POLR3E: variants seen among roughly 807,000 people sequenced by gnomAD.
POLR3E encodes DNA-directed RNA polymerase III subunit RPC5.
A neutral mutation model predicts 96.6 loss-of-function variants in POLR3E; 41 were observed. That is an observed-to-expected ratio of 0.42 (90% CI 0.33 to 0.55). The LOEUF (loss-of-function observed/expected upper bound fraction) is 0.55. POLR3E is among the 20% of genes least tolerant of loss of function. POLR3E has a pLI of 0.06. For missense variants in POLR3E, 849 were observed against 952.1 expected (o/e 0.89, Z 1.43); for synonymous variants, 396 against 383.6 (o/e 1.03, Z -0.38).
intron 1 of POLR3E, among the ~76,000 whole-genome samples, chr16:22,298,366 C>T (rs912354639): frequency 7.9e-5 from 12 of 152,182 alleles, no homozygotes; most frequent in African/African-American, 2.9e-4. Context: ...TACCCGCTTA[C>T]GTTGGCAGAA....
chr16:22,299,993 G>T (rs2047989811), intron 1 of POLR3E, among the ~76,000 whole-genome samples: 1 of 152,162 alleles, frequency 6.6e-6, no homozygotes, highest in African/African-American at 2.4e-5. Flanking sequence ...GGGATTACCG[G>T]CATGAGCCAC....
intron 10 of POLR3E, 122 bp from the exon 11 acceptor site, chr16:22,316,873 C>T (rs2290831): frequency 0.016 from 15,382 of 934,392 alleles, 737 homozygotes; most frequent in East Asian, 0.16. Flanking sequence ...GGGCTCAGGG[C>T]TGCTGGGGGA....
intron 4 of POLR3E, chr16:22,308,540 G>A (rs559778736): frequency 2.1e-6 from 1 of 472,940 alleles, no homozygotes; most frequent in Admixed American, 3.4e-5. Flanking sequence ...TATCCATGGA[G>A]GGTCTGCAGC....
chr16:22,332,220 A>C, intron 20 of POLR3E, 35 bp downstream of exon 20: 1 of 1,594,814 alleles, frequency 6.3e-7, no homozygotes, highest in East Asian at 2.2e-5. Context: ...ACAATATCAA[A>C]GGCTCTGGAA....
intron 6 of POLR3E, 58 bp downstream of exon 6, chr16:22,309,568 G>T: frequency 1.7e-6 from 2 of 1,179,092 alleles, no homozygotes; most frequent in Non-Finnish European, 2.5e-6. Context: ...GCTGGGCAGG[G>T]AGAGTACCTC....
At chr16:22,312,738 A>C (rs1228497477) in intron 6 of POLR3E, among the ~76,000 whole-genome samples, 1 of 151,356 alleles carries the variant, frequency 6.6e-6, no homozygotes, top group Non-Finnish European at 1.5e-5. Context: ...TTGGTGGCAC[A>C]CACCTGTAGT....
rs2048775281 is a variant in POLR3E, at chr16:22,333,023, A to G, written c.2071-621A>G. On this transcript the variant is annotated intron_variant, in intron 20 of 20. Transcript: ENST00000299853. ...GAGTTTTGCTCTTGTTGCCCAGGCT[A>G]GAGTGCAGTAGCACAATCTCGGCTC... Among the ~76,000 whole-genome samples, 4 of 124,764 alleles carry G rather than the reference A, an allele frequency of 3.2e-5. 1 individual carries two copies. The highest frequency in any genetic ancestry group is 4.8e-4 in the East Asian group (2 of 4,188). 81.9% of individuals were successfully genotyped at this position (124,764 alleles called of 152,430 possible).
chr16:22,300,900 C>T (rs1477196285), intron 1 of POLR3E, among the ~76,000 whole-genome samples: 1 of 152,110 alleles, frequency 6.6e-6, no homozygotes, highest in East Asian at 1.9e-4. Flanking sequence ...ACTTGGGGTA[C>T]CACAAGGGAC....
intron 10 of POLR3E, 47 bp downstream of exon 10, chr16:22,316,733 C>A: frequency 6.9e-7 from 1 of 1,450,848 alleles, no homozygotes; most frequent in Non-Finnish European, 9.7e-7. Context: ...TGCCCAGGGT[C>A]CCCAGGGGTC....
At chr16:22,333,379 G>A (rs541628779) in intron 20 of POLR3E, among the ~76,000 whole-genome samples, 17 of 151,098 alleles carry the variant, frequency 1.1e-4, no homozygotes, top group Admixed American at 1.0e-3. Flanking sequence ...TTGAACCTGG[G>A]AGGCAGAGGC....
rs555733870 is a variant in POLR3E at position 22,303,427 on chromosome 16, A to G, written c.36+423A>G. On this transcript the variant is annotated intron_variant, in intron 2 of 20. Transcript: ENST00000299853. ...CAGGTACCCGGCGACTATTTGGTGA[A>G]TGAATGAATGAATAAATGGGCTCAG... 4.6e-5 allele frequency among the ~76,000 whole-genome samples: 7 copies of G among 152,242 alleles called. 1 individual carries two copies. The South Asian group carries it at 1.5e-3, about 32-fold the overall frequency.
chr16:22,306,543 G>A (rs1388438206), intron 3 of POLR3E, among the ~76,000 whole-genome samples: 4 of 152,144 alleles, frequency 2.6e-5, no homozygotes, highest in Non-Finnish European at 5.9e-5. Context: ...GTGAGCCACC[G>A]CTCCCAGCCA....
At chr16:22,323,016 G>A (rs112922359) in intron 14 of POLR3E, 85 bp downstream of exon 14, 22,984 of 878,814 alleles carry the variant, frequency 0.026, 489 homozygotes, top group South Asian at 0.067. Context: ...ACCGGGGCCC[G>A]GCAGAGGCTC....
At chr16:22,306,708 A>T (rs1027308228) in intron 3 of POLR3E, among the ~76,000 whole-genome samples, 4 of 152,234 alleles carry the variant, frequency 2.6e-5, no homozygotes, top group African/African-American at 4.8e-5. Context: ...TTTTATGATG[A>T]ACGTGAATTC....
Position 22,322,876 on chromosome 16 carries a change from C to T in POLR3E, c.1013C>T (p.Ser338Phe). 1 of 1,613,450 alleles carries T rather than the reference C, an allele frequency of 6.2e-7. No individual in the cohort carries two copies. Among genetic ancestry groups the T allele is most frequent in the Non-Finnish European group, 8.5e-7 (1 of 1,179,658 alleles). Residue 338 changes from serine to phenylalanine, a missense_variant, in exon 14 of 21, where the codon TCC becomes TTC. Coordinates refer to ENST00000299853, the MANE Select transcript of POLR3E (RefSeq NM_018119.4). This position sits in a 1 kb window ranked among gnomAD's most constrained non-coding sequence, Gnocchi z 5.2. ...KSDILYPKDSSSPHSGVPAEV... is the reference protein window; with the variant it reads ...KSDILYPKDSFSPHSGVPAEV... ...GACATCCTATACCCCAAGGACTCGT[C>T]CAGCCCTCACAGCGGCGTGCCTGCT...
intron 1 of POLR3E, 194 bp from the exon 2 acceptor site, chr16:22,302,734 TTTC>T (rs2048052066): frequency 1.7e-6 from 1 of 581,168 alleles, no homozygotes; most frequent in Non-Finnish European, 3.1e-6. Context: ...TGCTTGAGTG[TTTC>T]TTTTTTTCTT....
At chr16:22,325,062 A>G in intron 16 of POLR3E, 143 bp from the exon 17 acceptor site, 1 of 724,190 alleles carries the variant, frequency 1.4e-6, no homozygotes, top group East Asian at 2.5e-5. Context: ...CTGCCAGAAG[A>G]GGGACTCAGT....
intron 4 of POLR3E, 79 bp from the exon 5 acceptor site, chr16:22,308,846 C>G: frequency 1.1e-6 from 1 of 898,254 alleles, no homozygotes; most frequent in Non-Finnish European, 1.8e-6. Flanking sequence ...TAGGAGGTGG[C>G]CATGGTGGGG....
rs58949663 is a variant in POLR3E, at chr16:22,303,639, CTTT to C, written c.36+651_36+653del. Among the ~76,000 whole-genome samples, 106 of 114,218 alleles carry C rather than the reference CTTT, an allele frequency of 9.3e-4. 5 individuals are homozygous for C. Among genetic ancestry groups the C allele is most frequent in the African/African-American group, 4.3e-3 (90 of 20,802 alleles). The allele number at this position is 114,218 out of a possible 152,430, so 74.9% of individuals were successfully genotyped here. On this transcript the variant is annotated intron_variant, in intron 2 of 20. Transcript: ENST00000299853. ...TACAGGCAGTGGGAGGCAGATTTCC[CTTT>C]TTTTTTTTTTTTTTTGGAGACAGAG... is the stretch of plus-strand genomic sequence containing the variant.
Sources: gnomAD v4.1 joint callset for allele counts (sites outside exome capture counted in the v4.1 genomes callset) on GRCh38, gnomAD v4.1.1 for gene constraint, Gnocchi (gnomAD v3.1) non-coding constraint, MANE v1.5 for transcripts, NCBI Gene and HGNC (gene_info 2026-07-23, HGNC 2026-07-21) for gene names.